The following ITSN2 variants were observed in gnomAD, a reference collection of about 807,000 sequenced individuals.
The protein encoded by ITSN2 is intersectin-2.
Under a neutral mutation model 243.7 loss-of-function variants are expected in ITSN2, and 156 were observed. The observed-to-expected ratio is 0.64, with a 90% CI of 0.56 to 0.73. The LOEUF is 0.73. Ranked by LOEUF, ITSN2 falls within the 30% of genes least tolerant of loss-of-function variation. ITSN2 has a pLI of 0.00. For missense variants in ITSN2, 1,801 were observed against 1,996.1 expected (o/e 0.90, Z 1.86); for synonymous variants, 703 against 699.9 (o/e 1.00, Z -0.07).
chr2:24,321,777 A>T (rs1684604270), intron 2 of ITSN2: 1 of 152,230 alleles, frequency 6.6e-6, no homozygotes, highest in South Asian at 2.1e-4. Flanking sequence ...AACAAAAATG[A>T]CAACAACAAA....
At chr2:24,260,706 G>A (rs1314878578) in intron 22 of ITSN2, among the ~76,000 whole-genome samples, 2 of 151,920 alleles carry the variant, frequency 1.3e-5, no homozygotes, top group Non-Finnish European at 2.9e-5. Context: ...TCAGGAGTTC[G>A]AGGCCAGCCT....
chr2:24,240,905 T>C (rs1320660555), intron 29 of ITSN2: 2 of 152,200 alleles, frequency 1.3e-5, no homozygotes, highest in Non-Finnish European at 2.9e-5. Flanking sequence ...TATTAGTTTA[T>C]AATAATGTTT....
At chr2:24,344,363 T>C (rs1687324830) in intron 1 of ITSN2, among the ~76,000 whole-genome samples, 2 of 152,222 alleles carry the variant, frequency 1.3e-5, no homozygotes, top group South Asian at 4.1e-4. Context: ...AATTTATTAA[T>C]AGTACCATTT....
chr2:24,346,896 G>A (rs187499210), intron 1 of ITSN2, among the ~76,000 whole-genome samples: 1 of 123,504 alleles, frequency 8.1e-6, no homozygotes, highest in Admixed American at 1.1e-4. Context: ...ATGGAGTCTC[G>A]CTCTGTCACC....
chr2:24,354,019 A>G (rs980900733), intron 1 of ITSN2, among the ~76,000 whole-genome samples: 13 of 152,360 alleles, frequency 8.5e-5, no homozygotes, highest in African/African-American at 2.9e-4. Context: ...TGTTCTTACA[A>G]TTTAAAACTT....
chr2:24,337,639 C>T (rs1433517435), intron 1 of ITSN2, among the ~76,000 whole-genome samples: 3 of 147,596 alleles, frequency 2.0e-5, no homozygotes, highest in African/African-American at 7.5e-5. Context: ...CGTGAGCCAC[C>T]ACGCCTGGCT....
Position 24,204,572 on chromosome 2 carries a change from C to A in ITSN2, c.4763-154G>T. 1.4e-6 allele frequency: 1 copy of A among 724,722 alleles called. No homozygotes were observed. The highest frequency in any genetic ancestry group is 2.5e-6 in the Non-Finnish European group (1 of 403,698). 44.9% of individuals were successfully genotyped at this position (724,722 alleles called of 1,614,324 possible). The stretch of plus-strand genomic sequence containing the variant: ...GCCTGGGGCACCATATCCCTGTGGT[C>A]TAGTAACAGGGTCTCCAAGTTCCCA... On this transcript the variant is annotated intron_variant, in intron 38 of 39. Transcript: ENST00000355123. The surrounding 1 kb of genome is among the most constrained non-coding windows in gnomAD (Gnocchi z 5.1).
intron 2 of ITSN2, among the ~76,000 whole-genome samples, chr2:24,315,817 C>T (rs562029954): frequency 2.2e-4 from 33 of 152,342 alleles, no homozygotes; most frequent in African/African-American, 7.5e-4. Context: ...GCATCCCCTT[C>T]GCCTTACACC....
Position 24,204,104 on chromosome 2 carries a change from C to T in ITSN2, c.4936+141G>A. Reference sequence around the variant, plus strand: ...TCCCCTGAGGAAGGCCACCCACCTGCTGCCAAAGCGAGATGACACAGGCCT... The same window carrying T: ...TCCCCTGAGGAAGGCCACCCACCTGTTGCCAAAGCGAGATGACACAGGCCT... On this transcript the variant is annotated intron_variant, in intron 39 of 39. Transcript: ENST00000355123. The surrounding 1 kb of genome is among the most constrained non-coding windows in gnomAD (Gnocchi z 5.1). 2 of 833,912 alleles carry T rather than the reference C, an allele frequency of 2.4e-6. No individual in the cohort carries two copies. The highest frequency in any genetic ancestry group is 3.8e-6 in the Non-Finnish European group (2 of 528,904). The allele number at this position is 833,912 out of a possible 1,614,324, so 51.7% of individuals were successfully genotyped here.
Position 24,271,874 on chromosome 2 carries a change from T to C in ITSN2, c.2149A>G (p.Lys717Glu). The C allele has an allele frequency of 6.7e-7, 1 of 1,499,006 alleles. No homozygotes were observed. Among genetic ancestry groups the C allele is most frequent in the Non-Finnish European group, 9.1e-7 (1 of 1,102,132 alleles). 92.9% of individuals were successfully genotyped at this position (1,499,006 alleles called of 1,614,324 possible). A position where few individuals can be genotyped will look rare whatever the true frequency, so the allele number is the denominator to read the frequency against. ...TGTGTTTTTTCTTCCTGGAGTCGCTTTTGTTTTTCTTCTTCCTCCTTTCTA... is the reference window on the plus strand; with the variant it reads ...TGTGTTTTTTCTTCCTGGAGTCGCTCTTGTTTTTCTTCTTCCTCCTTTCTA... ...NLRKEEEEKQKRLQEEKTQEK... is the reference protein window; with the variant it reads ...NLRKEEEEKQERLQEEKTQEK... The change falls in exon 19 of 40, where the codon AAG (lysine) becomes GAG (glutamate). Residue 717 changes from lysine to glutamate, a missense_variant. Physicochemically the swap from Lys to Glu is moderately conservative, Grantham distance 56. Coordinates refer to ENST00000355123, the MANE Select transcript of ITSN2 (RefSeq NM_006277.3).
chr2:24,308,738 A>G lies in ITSN2; in HGVS notation c.672T>C (p.Ala224=). 6.9e-7 allele frequency: 1 copy of G among 1,459,332 alleles called. No homozygotes were observed. Among genetic ancestry groups the G allele is most frequent in the Non-Finnish European group, 9.1e-7 (1 of 1,099,428 alleles). The allele number at this position is 1,459,332 out of a possible 1,614,324, so 90.4% of individuals were successfully genotyped here. Reference sequence around the variant, plus strand: ...TCTTGGGTGAGTTCCCTGAGAGTGAAGCAGTCGAGGAAGTTGAGCTATAAA... The same window carrying G: ...TCTTGGGTGAGTTCCCTGAGAGTGAGGCAGTCGAGGAAGTTGAGCTATAAA... The part of the protein sequence containing the change: ...LGSSSSTSST[A]SLSGNSPKTG... The change falls in exon 8 of 40, where the codon GCT becomes GCC. Residue 224 remains alanine (A), a synonymous_variant. Transcript: ENST00000355123.
At position 24,251,906 on chromosome 2, in the gene ITSN2, A is replaced by C. The variant is rs574706470; in HGVS notation, c.3120+439T>G. Among the ~76,000 whole-genome samples the C allele has an allele frequency of 2.2e-4, 34 of 152,276 alleles. No individual in the cohort carries two copies. In the South Asian group the frequency reaches 7.0e-3, roughly 32 times the overall value. On this transcript the variant is annotated intron_variant, in intron 25 of 39. Coordinates refer to ENST00000355123, the MANE Select transcript of ITSN2 (RefSeq NM_006277.3). ...AAGACTGTAAAGTTCCTGAAACCAA[A>C]AAGAGAACTTCTGCACTATACCATA...
intron 30 of ITSN2, chr2:24,220,717 C>T: frequency 1.5e-6 from 2 of 1,327,692 alleles, no homozygotes; most frequent in Non-Finnish European, 1.9e-6. Context: ...TCTGAGTGAC[C>T]TCATCTGGGG....
At chr2:24,288,491 A>G (rs935551541) in intron 15 of ITSN2, among the ~76,000 whole-genome samples, 2 of 152,130 alleles carry the variant, frequency 1.3e-5, no homozygotes, top group African/African-American at 4.8e-5. Context: ...GCTAATTAAC[A>G]TAATGTGTAT....
chr2:24,275,222 T>C (rs1271608210), intron 18 of ITSN2, among the ~76,000 whole-genome samples: 1 of 152,236 alleles, frequency 6.6e-6, no homozygotes, highest in Non-Finnish European at 1.5e-5. Context: ...TACATTATTT[T>C]ATTTTTTAAC....
chr2:24,246,988 G>C (rs1345943557), intron 27 of ITSN2, 95 bp from the exon 28 acceptor site: 2 of 842,116 alleles, frequency 2.4e-6, no homozygotes, highest in African/African-American at 3.5e-5. Context: ...TAAATGTGTA[G>C]TAAATAATTT....
chr2:24,208,651 G>A (rs911243833), intron 36 of ITSN2, among the ~76,000 whole-genome samples: 3 of 152,208 alleles, frequency 2.0e-5, no homozygotes, highest in Admixed American at 6.5e-5. Context: ...TTGGCGCCGC[G>A]GAGGCACTGT....
Position 24,271,872 on chromosome 2 carries a change from C to CGGTT in ITSN2, c.2150_2151insAACC (p.Arg718ThrfsTer20). 3.1e-6 allele frequency: 5 copies of CGGTT among 1,603,396 alleles called. No homozygotes were observed. Among genetic ancestry groups the CGGTT allele is most frequent in the South Asian group, 1.1e-5 (1 of 88,894 alleles). On this transcript the variant is annotated frameshift_variant, in exon 19 of 40. Transcript: ENST00000355123. LOFTEE classifies it high-confidence loss of function. ...CTTGTGTTTTTTCTTCCTGGAGTCG[C>CGGTT]TTTTGTTTTTCTTCTTCCTCCTTTC... is the stretch of plus-strand genomic sequence containing the variant.
chr2:24,356,959 T>C (rs1253993691), intron 1 of ITSN2, among the ~76,000 whole-genome samples: 1 of 152,002 alleles, frequency 6.6e-6, no homozygotes, highest in Non-Finnish European at 1.5e-5. Flanking sequence ...TGGTGATTAT[T>C]AAAAAGTCAG....
Sources: allele counts gnomAD v4.1 joint callset (sites outside exome capture counted in the v4.1 genomes callset), GRCh38; gene constraint gnomAD v4.1.1; non-coding constraint Gnocchi (gnomAD v3.1); transcripts MANE v1.5; gene names NCBI Gene and HGNC (gene_info 2026-07-23, HGNC 2026-07-21).